The following CNTN6 variants were observed in gnomAD, a reference collection of about 807,000 sequenced individuals.
CNTN6 encodes the protein contactin-6.
Under a neutral mutation model 122.8 loss-of-function variants are expected in CNTN6, and 137 were observed. The ratio of observed to expected loss-of-function variants is 1.12; its 90% confidence interval spans 0.97 to 1.29. CNTN6 has a LOEUF of 1.29. CNTN6 is among the 50% of genes most tolerant of loss of function. The pLI is 0.00. For missense variants in CNTN6, 1,634 were observed against 1,223.4 expected (o/e 1.34, Z -5.01); for synonymous variants, 570 against 426.0 (o/e 1.34, Z -4.16).
intron 1 of CNTN6, among the ~76,000 whole-genome samples, chr3:1,107,258 A>G (rs925110818): frequency 6.6e-6 from 1 of 152,288 alleles, no homozygotes; most frequent in South Asian, 2.1e-4. Context: ...TTTTTCACAC[A>G]AAAGCCAGAA....
intron 10 of CNTN6, 29 bp from the exon 11 acceptor site, chr3:1,329,756 A>C: frequency 6.3e-7 from 1 of 1,593,552 alleles, no homozygotes; most frequent in Non-Finnish European, 8.6e-7. Context: ...TGAGTAATTA[A>C]ACAATTTTGT....
intron 5 of CNTN6, among the ~76,000 whole-genome samples, chr3:1,282,270 C>T (rs1359853816): frequency 7.4e-6 from 1 of 134,900 alleles, no homozygotes; most frequent in Non-Finnish European, 1.6e-5. Context: ...ATGCTTTCCA[C>T]CCAGTTTTGA....
intron 2 of CNTN6, among the ~76,000 whole-genome samples, chr3:1,191,209 C>T (rs2093697423): frequency 6.6e-6 from 1 of 152,048 alleles, no homozygotes; most frequent in African/African-American, 2.4e-5. Flanking sequence ...GATTCCAGAG[C>T]TTGGAATTTC....
At chr3:1,287,084 T>G (rs13321827) in intron 5 of CNTN6, among the ~76,000 whole-genome samples, 13,884 of 151,862 alleles carry the variant, frequency 0.091, 2,156 homozygotes, top group African/African-American at 0.32. Context: ...GTTCTTAGAG[T>G]CTTACAAAGA....
intron 12 of CNTN6, among the ~76,000 whole-genome samples, chr3:1,371,155 CATT>C (rs939112240): frequency 1.1e-4 from 16 of 152,134 alleles, no homozygotes; most frequent in African/African-American, 3.6e-4. Flanking sequence ...TGCAGTTACA[CATT>C]AATCATTGTG....
intron 4 of CNTN6, among the ~76,000 whole-genome samples, chr3:1,253,713 A>G (rs2094707631): frequency 6.6e-6 from 1 of 152,122 alleles, no homozygotes; most frequent in Non-Finnish European, 1.5e-5. Flanking sequence ...ACACTCCTAT[A>G]AGGATCTAAC....
At chr3:1,380,298 AAT>A (rs1559973003) in intron 17 of CNTN6, among the ~76,000 whole-genome samples, 1 of 152,202 alleles carries the variant, frequency 6.6e-6, no homozygotes, top group African/African-American at 2.4e-5. Context: ...AACTGAACTA[AAT>A]ATCTTTCCCG....
At chr3:1,290,101 T>G (rs1695086459) in intron 5 of CNTN6, among the ~76,000 whole-genome samples, 3 of 152,194 alleles carry the variant, frequency 2.0e-5, no homozygotes, top group Admixed American at 6.5e-5. Context: ...TCACAGAGTC[T>G]GAGGGTGGAG....
At chr3:1,219,773 TGG>T in intron 2 of CNTN6, among the ~76,000 whole-genome samples, 1 of 152,198 alleles carries the variant, frequency 6.6e-6, no homozygotes, top group South Asian at 2.1e-4. Context: ...CCCAGCACAT[TGG>T]GAGGCTGAGG....
intron 4 of CNTN6, among the ~76,000 whole-genome samples, chr3:1,240,070 T>A (rs1017532193): frequency 6.6e-6 from 1 of 151,960 alleles, no homozygotes; most frequent in African/African-American, 2.4e-5. Context: ...ATAAAGATAA[T>A]GGAAAATAAC....
At chr3:1,262,580 C>T (rs919845959) in intron 4 of CNTN6, among the ~76,000 whole-genome samples, 10 of 152,014 alleles carry the variant, frequency 6.6e-5, no homozygotes, top group South Asian at 2.1e-4. Flanking sequence ...AGAGACCTGG[C>T]GCAAACAATG....
chr3:1,330,630 T>C (rs775527881), intron 11 of CNTN6, among the ~76,000 whole-genome samples: 2 of 151,920 alleles, frequency 1.3e-5, no homozygotes, highest in Non-Finnish European at 2.9e-5. Flanking sequence ...TAATCAGATA[T>C]GCAATTAAAT....
intron 12 of CNTN6, among the ~76,000 whole-genome samples, chr3:1,367,792 G>T (rs542516976): frequency 5.2e-4 from 79 of 152,184 alleles, no homozygotes; most frequent in African/African-American, 1.9e-3. Context: ...CCTCTTAAAG[G>T]GATGGAGATA....
intron 12 of CNTN6, among the ~76,000 whole-genome samples, chr3:1,358,120 G>C (rs1706879909): frequency 6.6e-6 from 1 of 151,384 alleles, no homozygotes; most frequent in African/African-American, 2.4e-5. Flanking sequence ...TTTGTGTTTG[G>C]TGTCATTCAT....
chr3:1,320,917 C>T (rs547248613), intron 7 of CNTN6, among the ~76,000 whole-genome samples: 44 of 151,542 alleles, frequency 2.9e-4, no homozygotes, highest in South Asian at 1.0e-3. Context: ...AGAAAGTAGA[C>T]GAAATTAATA....
At chr3:1,168,237 T>C (rs1044532087) in intron 2 of CNTN6, among the ~76,000 whole-genome samples, 4 of 151,764 alleles carry the variant, frequency 2.6e-5, no homozygotes, top group East Asian at 1.9e-4. Flanking sequence ...GTGTTTTAGG[T>C]TGGGCTCCTC....
At chr3:1,210,470 A>C (rs1575249670) in intron 2 of CNTN6, among the ~76,000 whole-genome samples, 1 of 152,158 alleles carries the variant, frequency 6.6e-6, no homozygotes, top group East Asian at 1.9e-4. Context: ...ATTCCAAGAA[A>C]GATATTAAGT....
chr3:1,278,592 C>A, intron 5 of CNTN6, 84 bp downstream of exon 5: 3 of 777,264 alleles, frequency 3.9e-6, no homozygotes, highest in Non-Finnish European at 4.2e-6. Context: ...GCTCAGTGAT[C>A]ACCTTTTATC....
At chr3:1,300,589 GAA>G (rs1424182553) in intron 7 of CNTN6, among the ~76,000 whole-genome samples, 7 of 127,012 alleles carry the variant, frequency 5.5e-5, no homozygotes, top group Non-Finnish European at 4.8e-5. Context: ...AAGAAAGAAA[GAA>G]AGAAAGAAAG....
Sources: gnomAD v4.1 joint callset for allele counts (sites outside exome capture counted in the v4.1 genomes callset) on GRCh38, gnomAD v4.1.1 for gene constraint, MANE v1.5 for transcripts, NCBI Gene and HGNC (gene_info 2026-07-23, HGNC 2026-07-21) for gene names.